Variants in WBP1L observed in about 807,000 individuals in gnomAD.
The protein encoded by WBP1L is WW domain binding protein 1-like.
In WBP1L, 17 loss-of-function variants were observed where a neutral mutation model predicts 33.7. The observed-to-expected ratio is 0.50, with a 90% CI of 0.34 to 0.76. The LOEUF (loss-of-function observed/expected upper bound fraction) is 0.76, where lower values mean the gene tolerates loss of function less well. WBP1L is among the 30% of genes least tolerant of loss of function. The pLI, the probability that WBP1L is intolerant of heterozygous loss-of-function variation, is 0.01. For synonymous variants in WBP1L, 173 were observed against 190.8 expected, an observed-to-expected ratio of 0.91 and a Z score of 0.77; for missense variants, 389 against 469.4, an observed-to-expected ratio of 0.83 and a Z score of 1.58.
chr10:102,808,339 G>A (rs1206357095), intron 2 of WBP1L, among the ~76,000 whole-genome samples: 1 of 151,938 alleles, frequency 6.6e-6, no homozygotes, highest in Non-Finnish European at 1.5e-5. Flanking sequence ...TGTGTGTTAT[G>A]TGAAAAGCAA....
intron 1 of WBP1L, among the ~76,000 whole-genome samples, chr10:102,755,280 A>G (rs764960916): frequency 5.9e-5 from 9 of 151,684 alleles, no homozygotes; most frequent in African/African-American, 1.7e-4. Context: ...GGGTCTTGCT[A>G]TGTTGCCCAG....
chr10:102,794,881 C>G (rs553867812), intron 1 of WBP1L, among the ~76,000 whole-genome samples: 2 of 152,158 alleles, frequency 1.3e-5, no homozygotes, highest in Non-Finnish European at 2.9e-5. Flanking sequence ...CTCACTATCT[C>G]CTGAATCCTC....
chr10:102,813,176 C>T lies in WBP1L; in HGVS notation c.937C>T (p.Pro313Ser), dbSNP rs762123510. The change falls in exon 4 of 4, where the codon CCT (proline) becomes TCT (serine). Residue 313 changes from proline (P) to serine (S), a missense_variant. By Grantham distance (74) the Pro-to-Ser change is moderately conservative. Transcript: ENST00000448841. ...CTGCGACAGCTGCCATGTGCGGCCC[C>T]CTGGTGATGAGGAGGAAGGCCTCTG... ...DFCDSCHVRP[P>S]GDEEEGLCQS... 1.7e-5 allele frequency: 27 copies of T among 1,613,862 alleles called. 1 individual carries two copies. Among genetic ancestry groups the T allele is most frequent in the Middle Eastern group, 3.3e-4 (2 of 6,084 alleles).
chr10:102,767,552 G>T (rs1484951235), intron 1 of WBP1L, among the ~76,000 whole-genome samples: 1 of 152,084 alleles, frequency 6.6e-6, no homozygotes, highest in Non-Finnish European at 1.5e-5. Flanking sequence ...ATAAAAGACT[G>T]AGGCTGCACC....
chr10:102,787,388 A>G (rs1208302737), intron 1 of WBP1L, among the ~76,000 whole-genome samples: 1 of 151,940 alleles, frequency 6.6e-6, no homozygotes, highest in Non-Finnish European at 1.5e-5. Context: ...AGAGTTTGAG[A>G]CCAGCCTGAG....
chr10:102,775,430 A>T (rs1843246921), intron 1 of WBP1L, among the ~76,000 whole-genome samples: 1 of 152,176 alleles, frequency 6.6e-6, no homozygotes, highest in Admixed American at 6.5e-5. Flanking sequence ...TTAGTGAAGA[A>T]AGCACGACAA....
At chr10:102,767,981 A>G (rs1009475799) in intron 1 of WBP1L, among the ~76,000 whole-genome samples, 14 of 151,978 alleles carry the variant, frequency 9.2e-5, no homozygotes, top group Admixed American at 9.2e-4. Flanking sequence ...TTGTTTCCAT[A>G]CTTTTATTCA....
intron 1 of WBP1L, among the ~76,000 whole-genome samples, chr10:102,754,971 A>G (rs1471492789): frequency 6.9e-6 from 1 of 145,762 alleles, no homozygotes; most frequent in Non-Finnish European, 1.5e-5. Flanking sequence ...TTTTTTTGAG[A>G]TGAAGTCTCG....
rs772175039 is a variant in WBP1L, at chr10:102,813,310, G to A, written c.1071G>A (p.Gln357=). ...ACGAGCAGGACTCTCCCAACTCCCA[G>A]AGCAGCAGCTCCCCCAGCTAGAGCA... is the stretch of plus-strand genomic sequence containing the variant. The part of the protein sequence containing the change: ...TINEQDSPNS[Q]SSSSPS Residue 357 remains glutamine, a synonymous_variant, in exon 4 of 4, where the codon CAG becomes CAA. Coordinates refer to ENST00000448841, the MANE Select transcript of WBP1L (RefSeq NM_001083913.2). 23 of 1,609,492 alleles carry A rather than the reference G, an allele frequency of 1.4e-5. 1 individual carries two copies. The South Asian group carries it at 1.9e-4, about 13-fold the overall frequency.
intron 2 of WBP1L, among the ~76,000 whole-genome samples, chr10:102,800,164 GCA>G: frequency 1.3e-5 from 2 of 152,354 alleles, no homozygotes; most frequent in South Asian, 4.1e-4. Context: ...GTTTTAAAAT[GCA>G]GATAACCACA....
intron 1 of WBP1L, among the ~76,000 whole-genome samples, chr10:102,759,785 C>T (rs892598854): frequency 1.3e-5 from 2 of 152,190 alleles, no homozygotes; most frequent in Admixed American, 6.5e-5. Flanking sequence ...CCTGCCTCAG[C>T]CTCCTGAGTA....
chr10:102,811,542 G>C (rs190705228), intron 3 of WBP1L, among the ~76,000 whole-genome samples: 2 of 151,982 alleles, frequency 1.3e-5, no homozygotes, highest in Non-Finnish European at 2.9e-5. Context: ...ACAGAATCTC[G>C]CTCTGTCACC....
intron 1 of WBP1L, among the ~76,000 whole-genome samples, chr10:102,783,955 C>T (rs1843372825): frequency 6.6e-6 from 1 of 152,214 alleles, no homozygotes; most frequent in Non-Finnish European, 1.5e-5. Context: ...GCCTTCTAAG[C>T]AGTGTGTGTT....
At chr10:102,791,977 G>A (rs558502925) in intron 1 of WBP1L, among the ~76,000 whole-genome samples, 1 of 152,340 alleles carries the variant, frequency 6.6e-6, no homozygotes, top group African/African-American at 2.4e-5. Context: ...GCTAAGAATA[G>A]CAACTGTAAG....
At chr10:102,810,491 C>T (rs1304892396) in intron 3 of WBP1L, among the ~76,000 whole-genome samples, 3 of 81,598 alleles carry the variant, frequency 3.7e-5, no homozygotes, top group Non-Finnish European at 6.8e-5. Context: ...CCTTCCTTCC[C>T]TCCTTCCTTC....
At chr10:102,753,681 C>A (rs965809499) in intron 1 of WBP1L, among the ~76,000 whole-genome samples, 3 of 152,152 alleles carry the variant, frequency 2.0e-5, no homozygotes, top group African/African-American at 7.2e-5. Context: ...TTCTTCTGCT[C>A]CTGGTGCTGT....
intron 1 of WBP1L, among the ~76,000 whole-genome samples, chr10:102,761,909 G>T (rs1428486536): frequency 1.3e-5 from 2 of 152,086 alleles, no homozygotes; most frequent in Admixed American, 6.5e-5. Flanking sequence ...GTGCAGTGGC[G>T]TGATCACAGC....
intron 1 of WBP1L, among the ~76,000 whole-genome samples, chr10:102,777,561 C>CTTTTTTTT (rs35713577): frequency 1.8e-5 from 1 of 55,570 alleles, no homozygotes. Flanking sequence ...AAAGGCTGTC[C>CTTTTTTTT]TTTTTTTTTT....
At chr10:102,796,401 T>C (rs1358796134) in intron 1 of WBP1L, among the ~76,000 whole-genome samples, 3 of 152,218 alleles carry the variant, frequency 2.0e-5, no homozygotes, top group Non-Finnish European at 4.4e-5. Flanking sequence ...TGCTTTCTCT[T>C]GTCCTCTCCG....
Sources: allele counts gnomAD v4.1 joint callset (sites outside exome capture counted in the v4.1 genomes callset), GRCh38; gene constraint gnomAD v4.1.1; transcripts MANE v1.5; gene names NCBI Gene and HGNC (gene_info 2026-07-23, HGNC 2026-07-21).